The following EXTL2 variants were observed in gnomAD, a reference collection of about 807,000 sequenced individuals.
EXTL2 encodes the protein exostosin-like 2.
EXTL2 carries 23 observed loss-of-function variants against 30.7 expected under a neutral mutation model. The observed-to-expected ratio is 0.75, with a 90% CI of 0.54 to 1.06. EXTL2 has a LOEUF of 1.06. EXTL2 is among the 50% of genes least tolerant of loss of function. The pLI, the probability that EXTL2 is intolerant of heterozygous loss-of-function variation, is 0.00. For missense variants in EXTL2, 352 were observed against 396.3 expected (o/e 0.89, Z 0.95); for synonymous variants, 123 against 133.8 (o/e 0.92, Z 0.56).
intron 2 of EXTL2, among the ~76,000 whole-genome samples, chr1:100,879,271 C>T (rs1436791861): frequency 6.6e-6 from 1 of 152,058 alleles, no homozygotes; most frequent in Non-Finnish European, 1.5e-5. Context: ...CTTACTCTTC[C>T]ACAGGCCACC....
Position 100,888,778 on chromosome 1 carries a change from A to T in EXTL2, c.-21T>A, listed in dbSNP as rs766003550. ...CTCATTGTGTTGAAGTTTAATTTTTAAAAAATCTCCTTATAGCTTCAGTAA... is the reference window on the plus strand; with the variant it reads ...CTCATTGTGTTGAAGTTTAATTTTTTAAAAATCTCCTTATAGCTTCAGTAA... On this transcript the variant is annotated 5_prime_UTR_variant, in exon 2 of 5. Coordinates refer to ENST00000370114, the MANE Select transcript of EXTL2 (RefSeq NM_001033025.3). 1.3e-6 allele frequency: 2 copies of T among 1,563,708 alleles called. No individual in the cohort carries two copies. Among genetic ancestry groups the T allele is most frequent in the South Asian group, 2.3e-5 (2 of 86,956 alleles).
chr1:100,874,457 A>G, intron 4 of EXTL2, 27 bp from the exon 5 acceptor site: 1 of 1,528,896 alleles, frequency 6.5e-7, no homozygotes, highest in East Asian at 2.3e-5. Context: ...AGAACAATAA[A>G]ATGTCACATA....
intron 1 of EXTL2, among the ~76,000 whole-genome samples, chr1:100,891,018 TACCAGCTATG>T (rs1169555318): frequency 6.6e-6 from 1 of 152,272 alleles, no homozygotes; most frequent in Non-Finnish European, 1.5e-5. Flanking sequence ...TAGTGATCAA[TACCAGCTATG>T]ACCACATAAG....
At position 100,877,564 on chromosome 1, in the gene EXTL2, C is replaced by G. The variant is rs980833986; in HGVS notation, c.345G>C (p.Gly115=). Residue 115 remains glycine, a synonymous_variant, in exon 3 of 5, where the codon GGG becomes GGC. Coordinates refer to ENST00000370114, the MANE Select transcript of EXTL2 (RefSeq NM_001033025.3). The surrounding 1 kb of genome is among the most constrained non-coding windows in gnomAD (Gnocchi z 4.1). ...KAPDELWNSL[G]PHPIPVIFKQ... The stretch of plus-strand genomic sequence containing the variant: ...TGAAGATCACAGGGATAGGGTGGGG[C>G]CCTAGAGAATTCCATAATTCATCTG... 1 of 1,613,310 alleles carries G rather than the reference C, an allele frequency of 6.2e-7. No homozygotes were observed. Among genetic ancestry groups the G allele is most frequent in the Non-Finnish European group, 8.5e-7 (1 of 1,179,554 alleles).
Position 100,876,902 on chromosome 1 carries a change from G to A in EXTL2, c.434-38C>T, listed in dbSNP as rs181335329. 3.6e-5 allele frequency: 52 copies of A among 1,439,930 alleles called. No homozygotes were observed. The African/African-American group carries it at 4.1e-4, about 11-fold the overall frequency. The allele number at this position is 1,439,930 out of a possible 1,614,324, so 89.2% of individuals were successfully genotyped here. A position where few individuals can be genotyped will look rare whatever the true frequency, so the allele number is the denominator to read the frequency against. ...GACAAAAATTTAAGTTGAATAGTTC[G>A]GAAATGAAAACAAAAGTAGTAAAAT... On this transcript the variant is annotated intron_variant, in intron 3 of 4. Coordinates refer to ENST00000370114, the MANE Select transcript of EXTL2 (RefSeq NM_001033025.3).
intron 4 of EXTL2, among the ~76,000 whole-genome samples, chr1:100,875,810 C>T (rs1231563938): frequency 6.6e-6 from 1 of 152,046 alleles, no homozygotes; most frequent in East Asian, 1.9e-4. Context: ...TCCATTTTTA[C>T]ATTTTGGGCA....
chr1:100,878,531 TAAAC>T, intron 2 of EXTL2: 1 of 462,502 alleles, frequency 2.2e-6, no homozygotes, highest in Non-Finnish European at 4.5e-6. Flanking sequence ...GATAACACAA[TAAAC>T]AAATTCAAAA....
At chr1:100,894,898 C>A (rs556025726), upstream of EXTL2, 1 of 152,350 alleles carries the variant, frequency 6.6e-6, no homozygotes, top group East Asian at 1.9e-4. Flanking sequence ...AAGGCATTCC[C>A]AGGAAGCTCG....
At chr1:100,889,234 G>A (rs532136450) in intron 1 of EXTL2, among the ~76,000 whole-genome samples, 1 of 152,288 alleles carries the variant, frequency 6.6e-6, no homozygotes, top group East Asian at 1.9e-4. Flanking sequence ...GAGTGAGTAA[G>A]CACAGGAAAA....
chr1:100,882,183 A>G (rs1214218936), intron 2 of EXTL2, among the ~76,000 whole-genome samples: 2 of 152,198 alleles, frequency 1.3e-5, no homozygotes, highest in African/African-American at 4.8e-5. Context: ...TGGGGACACC[A>G]AGGGTTTTCA....
chr1:100,874,388 C>T lies in EXTL2; in HGVS notation c.547G>A (p.Val183Ile), dbSNP rs767472992. 2.4e-5 allele frequency: 38 copies of T among 1,607,132 alleles called. No individual in the cohort carries two copies. The highest frequency in any genetic ancestry group is 6.7e-5 in the East Asian group (3 of 44,780). Residue 183 changes from valine to isoleucine, a missense_variant, in exon 5 of 5, where the codon GTC (valine) becomes ATC (isoleucine). By Grantham distance (29) the Val-to-Ile change is conservative (BLOSUM62 3). Transcript: ENST00000370114. ...CTGTAGATACCTGATGAAGTAGAGACGTGCTTTCTAGGAACAAATCCTACA... is the reference window on the plus strand; with the variant it reads ...CTGTAGATACCTGATGAAGTAGAGATGTGCTTTCTAGGAACAAATCCTACA... ...QIVGFVPRKH[V>I]STSSGIYSYG... is the part of the protein sequence containing the mutation.
intron 2 of EXTL2, among the ~76,000 whole-genome samples, chr1:100,886,436 C>T (rs1288243257): frequency 6.6e-6 from 1 of 152,120 alleles, no homozygotes; most frequent in East Asian, 1.9e-4. Context: ...GTAAATCAGG[C>T]TAGAATGAAC....
At chr1:100,885,139 C>T (rs1649860794) in intron 2 of EXTL2, among the ~76,000 whole-genome samples, 1 of 152,254 alleles carries the variant, frequency 6.6e-6, no homozygotes. Context: ...ACCTCAAACA[C>T]AGACCACACA....
At position 100,877,954 on chromosome 1, in the gene EXTL2, CTG is replaced by C. The variant is rs1033185389; in HGVS notation, c.6-53_6-52del. The C allele has an allele frequency of 3.6e-6, 5 of 1,383,766 alleles. No individual in the cohort carries two copies. 85.7% of individuals were successfully genotyped at this position (1,383,766 alleles called of 1,614,324 possible). On this transcript the variant is annotated intron_variant, in intron 2 of 4. Transcript: ENST00000370114. This position sits in a 1 kb window ranked among gnomAD's most constrained non-coding sequence, Gnocchi z 4.1. Reference sequence around the variant, plus strand: ...CAAATGTTAGCATTCTTACGAGTCCCTGTGTTTTCATGTTTTTTTCCAATGAG... The same window carrying C: ...CAAATGTTAGCATTCTTACGAGTCCCTGTTTTCATGTTTTTTTCCAATGAG...
intron 4 of EXTL2, among the ~76,000 whole-genome samples, chr1:100,874,810 T>C (rs1474118437): frequency 6.6e-6 from 1 of 152,108 alleles, no homozygotes; most frequent in Non-Finnish European, 1.5e-5. Context: ...TGGGATCGTT[T>C]TGAAAATTTG....
chr1:100,878,256 C>T (rs1649285386), intron 2 of EXTL2: 1 of 348,934 alleles, frequency 2.9e-6, no homozygotes. Context: ...AATTTCGAAT[C>T]TACACTTCTG....
chr1:100,878,463 T>C, intron 2 of EXTL2: 2 of 470,896 alleles, frequency 4.2e-6, no homozygotes, highest in South Asian at 3.1e-5. Context: ...GATACAGCAA[T>C]TAATGAGATA....
At chr1:100,884,886 A>G (rs1649842104) in intron 2 of EXTL2, among the ~76,000 whole-genome samples, 1 of 152,174 alleles carries the variant, frequency 6.6e-6, no homozygotes, top group African/African-American at 2.4e-5. Flanking sequence ...TTTATAATCC[A>G]GAACAGTGTC....
In EXTL2 at chr1:100,874,291, G is replaced by A. The variant is rs747093883; in HGVS notation, c.644C>T (p.Ala215Val). ...AAGATATTTGCTATTGAAGAATGAG[G>A]CTCCAATCAGCACCATAGAGTACTG... ...GDQYSMVLIG[A>V]SFFNSKYLEL... The change falls in exon 5 of 5, where the codon GCC becomes GTC. Residue 215 changes from alanine (A) to valine (V), a missense_variant. Physicochemically the swap from Ala to Val is moderately conservative, Grantham distance 64 (BLOSUM62 0). Transcript: ENST00000370114. 5 of 1,612,818 alleles carry A rather than the reference G, an allele frequency of 3.1e-6. No individual in the cohort carries two copies. The highest frequency in any genetic ancestry group is 4.2e-6 in the Non-Finnish European group (5 of 1,179,424).
Sources: allele counts gnomAD v4.1 joint callset (sites outside exome capture counted in the v4.1 genomes callset), GRCh38; gene constraint gnomAD v4.1.1; non-coding constraint Gnocchi (gnomAD v3.1); transcripts MANE v1.5; gene names NCBI Gene and HGNC (gene_info 2026-07-23, HGNC 2026-07-21).